The following PCSK6 variants were observed in gnomAD, a reference collection of about 807,000 sequenced individuals.
PCSK6 encodes proprotein convertase subtilisin/kexin type 6.
In PCSK6, 85 loss-of-function variants were observed where a neutral mutation model predicts 123.3. The ratio of observed to expected loss-of-function variants is 0.69; its 90% CI spans 0.58 to 0.83. The LOEUF is 0.83. PCSK6 is among the 40% of genes least tolerant of loss of function. The pLI, the probability that PCSK6 is intolerant of heterozygous loss-of-function variation, is 0.00. For missense variants in PCSK6, 1,191 were observed against 1,282.3 expected, an observed-to-expected ratio of 0.93 and a Z score of 1.09; for synonymous variants, 508 against 516.0, an observed-to-expected ratio of 0.98 and a Z score of 0.21.
At chr15:101,429,350 C>T (rs370300354) in intron 5 of PCSK6, among the ~76,000 whole-genome samples, 359 of 152,232 alleles carry the variant, frequency 2.4e-3, no homozygotes, top group Non-Finnish European at 4.4e-3. Flanking sequence ...GACAGTGACA[C>T]AAAAACGCCC....
rs532184842 is a variant in PCSK6 at position 101,454,269 on chromosome 15, T to C, written c.298-10609A>G. Among the ~76,000 whole-genome samples, 5 of 152,306 alleles carry C rather than the reference T, an allele frequency of 3.3e-5. No individual in the cohort carries two copies. The South Asian group carries it at 1.0e-3, about 32-fold the overall frequency. ...CTTCAAATTTTCACTTAAAAATATA[T>C]ACCTCCTGTACCCGAAGATGTGAAA... On this transcript the variant is annotated intron_variant, in intron 1 of 21. Coordinates refer to ENST00000611716, the MANE Select transcript of PCSK6 (RefSeq NM_002570.5).
At chr15:101,340,995 G>T (rs1219427097) in intron 13 of PCSK6, among the ~76,000 whole-genome samples, 1 of 149,996 alleles carries the variant, frequency 6.7e-6, no homozygotes. Flanking sequence ...GAGTGTAGTG[G>T]TGCAATCTCA....
chr15:101,394,620 G>T (rs1272504401), intron 7 of PCSK6, among the ~76,000 whole-genome samples: 1 of 152,172 alleles, frequency 6.6e-6, no homozygotes, highest in Non-Finnish European at 1.5e-5. Context: ...TTATACTTAT[G>T]CTCAACAATC....
intron 13 of PCSK6, chr15:101,364,911 C>A: frequency 1.5e-6 from 1 of 666,260 alleles, no homozygotes. Flanking sequence ...AAACTTACTA[C>A]AAAGCTACAG....
intron 17 of PCSK6, among the ~76,000 whole-genome samples, chr15:101,323,376 C>T (rs1053570832): frequency 1.3e-5 from 2 of 152,168 alleles, no homozygotes; most frequent in Non-Finnish European, 2.9e-5. Flanking sequence ...GGCTGGCAGC[C>T]CAGGGCAAGC....
At chr15:101,451,477 A>C (rs2057033585) in intron 1 of PCSK6, among the ~76,000 whole-genome samples, 2 of 152,136 alleles carry the variant, frequency 1.3e-5, no homozygotes, top group Admixed American at 1.3e-4. Flanking sequence ...TCCACACGGG[A>C]ACAGCTGATA....
At chr15:101,354,873 C>T (rs2040995940) in intron 13 of PCSK6, among the ~76,000 whole-genome samples, 1 of 152,164 alleles carries the variant, frequency 6.6e-6, no homozygotes, top group African/African-American at 2.4e-5. Context: ...TTGTAAATAC[C>T]ATGATATGCA....
At position 101,313,624 on chromosome 15, in the gene PCSK6, C is replaced by T; in HGVS notation, c.2570-119G>A. ...CATTCAGGAGCCCCCAGGCCACCAC[C>T]ACAGCTGCCATTTCCCAGGTTCTGT... On this transcript the variant is annotated intron_variant, in intron 19 of 21. Coordinates refer to ENST00000611716, the MANE Select transcript of PCSK6 (RefSeq NM_002570.5). The T allele has an allele frequency of 4.9e-6, 7 of 1,431,638 alleles. No homozygotes were observed. The South Asian group carries it at 7.0e-5, about 14-fold the overall frequency. The allele number at this position is 1,431,638 out of a possible 1,614,324, so 88.7% of individuals were successfully genotyped here.
intron 6 of PCSK6, among the ~76,000 whole-genome samples, chr15:101,404,014 G>A (rs745939414): frequency 1.3e-5 from 2 of 152,212 alleles, no homozygotes; most frequent in Non-Finnish European, 2.9e-5. Flanking sequence ...TAATACAATT[G>A]TATATATGCT....
chr15:101,345,446 G>T (rs868550995), intron 13 of PCSK6, among the ~76,000 whole-genome samples: 32 of 151,690 alleles, frequency 2.1e-4, no homozygotes, highest in African/African-American at 7.5e-4. Context: ...AAACAAATTG[G>T]GACTTTTTTA....
intron 11 of PCSK6, among the ~76,000 whole-genome samples, chr15:101,380,923 G>A (rs117154758): frequency 0.019 from 2,848 of 152,250 alleles, 61 homozygotes; most frequent in Non-Finnish European, 0.031. Flanking sequence ...AACACACTCC[G>A]TTCTGTATCA....
Position 101,482,474 on chromosome 15 carries a change from C to A in PCSK6, c.297+6900G>T, listed in dbSNP as rs117091989. On this transcript the variant is annotated intron_variant, in intron 1 of 21. Coordinates refer to ENST00000611716, the MANE Select transcript of PCSK6 (RefSeq NM_002570.5). ...AGGAGGAGAGGTGTCGGCAGCCTGG[C>A]TGAGCTGCAGAAGATCAGAGGAACT... Among the ~76,000 whole-genome samples, 1,523 of 152,304 alleles carry A rather than the reference C, an allele frequency of 1.0e-2. 13 individuals are homozygous for A. Among genetic ancestry groups the A allele is most frequent in the Non-Finnish European group, 0.017 (1,168 of 68,016 alleles).
rs367875697 is a variant in PCSK6 at position 101,375,708 on chromosome 15, C to T, written c.1533-5185G>A. On this transcript the variant is annotated intron_variant, in intron 11 of 21. Coordinates refer to ENST00000611716, the MANE Select transcript of PCSK6 (RefSeq NM_002570.5). Reference sequence around the variant, plus strand: ...CAGCTGAGGTCAAACAAGGCAACACCGCCTGTTGGTGCAGCTCTCATGCCA... The same window carrying T: ...CAGCTGAGGTCAAACAAGGCAACACTGCCTGTTGGTGCAGCTCTCATGCCA... Among the ~76,000 whole-genome samples, 43 of 152,240 alleles carry T rather than the reference C, an allele frequency of 2.8e-4. 2 individuals carry two copies. In the South Asian group the frequency reaches 6.0e-3, roughly 21 times the overall value.
At chr15:101,312,983 C>T (rs562341884) in intron 20 of PCSK6, 51 of 1,131,828 alleles carry the variant, frequency 4.5e-5, no homozygotes, top group South Asian at 4.1e-4. Flanking sequence ...CCAGCCTGGG[C>T]GACAGAGTGA....
intron 21 of PCSK6, 25 bp downstream of exon 21, chr15:101,307,185 GCCC>G: frequency 6.5e-7 from 1 of 1,550,158 alleles, no homozygotes; most frequent in South Asian, 1.1e-5. Context: ...TCCACAGGCA[GCCC>G]CAGGGTAACC....
At chr15:101,441,253 A>G (rs912012542) in intron 2 of PCSK6, among the ~76,000 whole-genome samples, 2 of 152,170 alleles carry the variant, frequency 1.3e-5, no homozygotes, top group African/African-American at 4.8e-5. Flanking sequence ...CTTTGCCCTC[A>G]GACCCAAACT....
intron 13 of PCSK6, among the ~76,000 whole-genome samples, chr15:101,353,747 T>A (rs982604317): frequency 1.3e-5 from 2 of 152,210 alleles, no homozygotes; most frequent in Non-Finnish European, 1.5e-5. Flanking sequence ...ATGGGCTGCC[T>A]GTACTGCCTT....
chr15:101,462,378 A>G (rs1476483757), intron 1 of PCSK6, among the ~76,000 whole-genome samples: 1 of 152,272 alleles, frequency 6.6e-6, no homozygotes, highest in Non-Finnish European at 1.5e-5. Context: ...TATATTAAAT[A>G]AAATTTCAGT....
intron 2 of PCSK6, among the ~76,000 whole-genome samples, chr15:101,432,598 C>G (rs2056482303): frequency 6.6e-6 from 1 of 151,180 alleles, no homozygotes; most frequent in East Asian, 1.9e-4. Context: ...CCACTGCACT[C>G]CAGTCTGGGC....
Sources: gnomAD v4.1 joint callset for allele counts (sites outside exome capture counted in the v4.1 genomes callset) on GRCh38, gnomAD v4.1.1 for gene constraint, MANE v1.5 for transcripts, NCBI Gene and HGNC (gene_info 2026-07-23, HGNC 2026-07-21) for gene names.